NUMB: variants seen among roughly 807,000 people sequenced by gnomAD.
The protein encoded by NUMB is protein numb homolog.
NUMB carries 29 observed loss-of-function variants against 59.7 expected under a neutral mutation model. The observed-to-expected ratio is 0.49, with a 90% CI of 0.36 to 0.66. The LOEUF is 0.66. Ranked by LOEUF, NUMB falls within the 30% of genes least tolerant of loss-of-function variation. The pLI is 0.00. For missense variants in NUMB, 723 were observed against 822.0 expected (o/e 0.88, Z 1.47); for synonymous variants, 288 against 288.2 (o/e 1.00, Z 0.01).
chr14:73,381,503 A>G (rs971398736), intron 2 of NUMB, among the ~76,000 whole-genome samples: 1 of 152,170 alleles, frequency 6.6e-6, no homozygotes, highest in Non-Finnish European at 1.5e-5. Flanking sequence ...ACATAGTTCT[A>G]ACAACCCATT....
intron 4 of NUMB, among the ~76,000 whole-genome samples, chr14:73,345,765 G>T (rs192345558): frequency 6.6e-6 from 1 of 151,756 alleles, no homozygotes; most frequent in Admixed American, 6.6e-5. Context: ...AAAATTAGCC[G>T]GGCGTGGTGG....
At chr14:73,286,608 T>C (rs1199624460) in intron 9 of NUMB, 1 of 161,974 alleles carries the variant, frequency 6.2e-6, no homozygotes, top group Admixed American at 5.7e-5. Context: ...AAAAGAGTTA[T>C]AGGCTTACCT....
chr14:73,322,476 T>C (rs982357394), intron 5 of NUMB, among the ~76,000 whole-genome samples: 1 of 152,120 alleles, frequency 6.6e-6, no homozygotes, highest in African/African-American at 2.4e-5. Context: ...TAGAGGTGTA[T>C]AGAGAAGAAA....
chr14:73,453,473 T>C (rs550177124), intron 1 of NUMB, among the ~76,000 whole-genome samples: 218 of 152,182 alleles, frequency 1.4e-3, no homozygotes, highest in African/African-American at 4.9e-3. Flanking sequence ...TATGGCAATA[T>C]TGTACCTAGT....
intron 6 of NUMB, among the ~76,000 whole-genome samples, chr14:73,308,172 C>G (rs1303214996): frequency 1.3e-5 from 2 of 152,092 alleles, no homozygotes; most frequent in Non-Finnish European, 2.9e-5. Flanking sequence ...TGGCTTGGAC[C>G]AGGGTAGGAG....
intron 4 of NUMB, among the ~76,000 whole-genome samples, chr14:73,335,063 T>C (rs955745275): frequency 6.6e-6 from 1 of 151,956 alleles, no homozygotes; most frequent in African/African-American, 2.4e-5. Context: ...TATATACCTG[T>C]GCTTTCTTTC....
chr14:73,292,602 T>A (rs1015473197), intron 8 of NUMB, 132 bp downstream of exon 8: 2 of 760,260 alleles, frequency 2.6e-6, no homozygotes, highest in African/African-American at 3.5e-5. Context: ...TAAAAGGAGC[T>A]GAAAGTAGGC....
At chr14:73,414,575 G>A (rs912266428) in intron 1 of NUMB, among the ~76,000 whole-genome samples, 2 of 151,928 alleles carry the variant, frequency 1.3e-5, no homozygotes, top group African/African-American at 4.8e-5. Flanking sequence ...TCATAGAGAT[G>A]GGGTTTCACC....
chr14:73,327,088 A>C (rs1891701260), intron 4 of NUMB, among the ~76,000 whole-genome samples: 1 of 152,032 alleles, frequency 6.6e-6, no homozygotes, highest in Non-Finnish European at 1.5e-5. Context: ...TTTTCCTACA[A>C]TTTTTAAAAA....
At chr14:73,445,435 C>T (rs1398467145) in intron 1 of NUMB, among the ~76,000 whole-genome samples, 2 of 131,842 alleles carry the variant, frequency 1.5e-5, no homozygotes, top group African/African-American at 5.6e-5. Context: ...TAAAGATTCA[C>T]GTTTTTCCAG....
At chr14:73,433,655 A>G (rs1262792711) in intron 1 of NUMB, among the ~76,000 whole-genome samples, 5 of 152,152 alleles carry the variant, frequency 3.3e-5, no homozygotes, top group South Asian at 4.1e-4. Flanking sequence ...TCTTCTCTAG[A>G]AAAGCAATTT....
chr14:73,441,561 C>T (rs975267440), intron 1 of NUMB, among the ~76,000 whole-genome samples: 4 of 151,844 alleles, frequency 2.6e-5, no homozygotes, highest in Admixed American at 2.6e-4. Flanking sequence ...CTACTTTATA[C>T]TCACTAGAAT....
At chr14:73,445,894 G>A (rs4903112) in intron 1 of NUMB, among the ~76,000 whole-genome samples, 2 of 151,910 alleles carry the variant, frequency 1.3e-5, no homozygotes, top group African/African-American at 4.8e-5. Context: ...TCATTCATCA[G>A]TACATTTATG....
chr14:73,353,204 C>T (rs1330973698), intron 4 of NUMB, among the ~76,000 whole-genome samples: 1 of 147,186 alleles, frequency 6.8e-6, no homozygotes, highest in Admixed American at 7.0e-5. Context: ...CCTGCCTTAG[C>T]TTCCTGAGTA....
intron 7 of NUMB, among the ~76,000 whole-genome samples, chr14:73,293,292 C>G (rs535649802): frequency 8.5e-5 from 13 of 152,082 alleles, no homozygotes; most frequent in Non-Finnish European, 1.5e-4. Context: ...CACATACACA[C>G]AGTTCTGCAC....
intron 6 of NUMB, among the ~76,000 whole-genome samples, chr14:73,305,308 A>G (rs996371363): frequency 1.3e-5 from 2 of 152,210 alleles, no homozygotes; most frequent in Non-Finnish European, 2.9e-5. Flanking sequence ...TGATACAATC[A>G]CAATCTCTAT....
At chr14:73,304,812 G>A (rs1384269794) in intron 6 of NUMB, among the ~76,000 whole-genome samples, 1 of 152,124 alleles carries the variant, frequency 6.6e-6, no homozygotes, top group East Asian at 1.9e-4. Context: ...CATGCTTGGA[G>A]TGCGGTGGTG....
intron 4 of NUMB, among the ~76,000 whole-genome samples, chr14:73,344,889 T>C (rs1437586706): frequency 6.6e-6 from 1 of 152,194 alleles, no homozygotes; most frequent in African/African-American, 2.4e-5. Context: ...CAATCAAAAA[T>C]AATACCAGCA....
chr14:73,376,062 T>A (rs1168254806), intron 2 of NUMB, among the ~76,000 whole-genome samples: 1 of 151,988 alleles, frequency 6.6e-6, no homozygotes, highest in African/African-American at 2.4e-5. Context: ...CCTAATGCAA[T>A]ATGACAAAAA....
Sources: allele counts gnomAD v4.1 joint callset (sites outside exome capture counted in the v4.1 genomes callset), GRCh38; gene constraint gnomAD v4.1.1; transcripts MANE v1.5; gene names NCBI Gene and HGNC (gene_info 2026-07-23, HGNC 2026-07-21).